Variants in GABRA3 observed in about 807,000 individuals in gnomAD.
GABRA3 encodes gamma-aminobutyric acid type A receptor subunit alpha3, also known as gamma-aminobutyric acid receptor subunit alpha-3.
GABRA3 carries 10 observed loss-of-function variants against 30.1 expected under a neutral mutation model. The ratio of observed to expected loss-of-function variants is 0.33; its 90% CI spans 0.20 to 0.56. The LOEUF (loss-of-function observed/expected upper bound fraction) is 0.56, where lower values mean the gene tolerates loss of function less well. GABRA3 is among the 20% of genes least tolerant of loss of function. GABRA3 has a pLI of 0.89. For synonymous variants in GABRA3, 151 were observed against 146.8 expected (o/e 1.03, Z -0.21); for missense variants, 233 against 392.0 (o/e 0.59, Z 3.42).
intron 6 of GABRA3, among the ~76,000 whole-genome samples, chrX:152,223,442 A>T (rs921565955): frequency 5.4e-5 from 6 of 111,020 alleles, no homozygotes; most frequent in African/African-American, 2.0e-4. Context: ...AAATATTCTA[A>T]TTGTTCTTCA....
intron 4 of GABRA3, among the ~76,000 whole-genome samples, chrX:152,276,678 T>G (rs1348425071): frequency 8.0e-5 from 9 of 111,984 alleles, no homozygotes; most frequent in African/African-American, 2.9e-4. Flanking sequence ...TAATAATCTT[T>G]GATAGTTAAA....
At chrX:152,403,567 C>T (rs1326242622) in intron 1 of GABRA3, among the ~76,000 whole-genome samples, 1 of 34,625 alleles carries the variant, frequency 2.9e-5, no homozygotes, top group African/African-American at 4.7e-5. Context: ...TGTATGTGCA[C>T]ACGTGTGTGT....
intron 5 of GABRA3, among the ~76,000 whole-genome samples, chrX:152,226,738 T>C (rs1937964079): frequency 9.0e-6 from 1 of 111,602 alleles, no homozygotes; most frequent in Non-Finnish European, 1.9e-5. Flanking sequence ...GAACAGACAC[T>C]TCTCAAAAGA....
intron 1 of GABRA3, among the ~76,000 whole-genome samples, chrX:152,395,388 C>A (rs996490586): frequency 9.0e-6 from 1 of 111,504 alleles, no homozygotes; most frequent in East Asian, 2.8e-4. Context: ...ATTTTTTACA[C>A]ATTAATGATG....
intron 1 of GABRA3, among the ~76,000 whole-genome samples, chrX:152,368,529 CCATTAATG>C (rs962297447): frequency 2.7e-5 from 3 of 110,253 alleles, no homozygotes; most frequent in Non-Finnish European, 5.7e-5. Context: ...TTTTCTTTAT[CCATTAATG>C]CATTAATGGA....
intron 3 of GABRA3, among the ~76,000 whole-genome samples, chrX:152,297,137 A>G (rs1311033106): frequency 1.8e-5 from 2 of 112,112 alleles, no homozygotes; most frequent in Non-Finnish European, 1.9e-5. Context: ...TGTTAACTCC[A>G]CTATTGTTTT....
chrX:152,363,092 G>A (rs1928555456), intron 2 of GABRA3, among the ~76,000 whole-genome samples: 1 of 111,379 alleles, frequency 9.0e-6, no homozygotes, highest in Non-Finnish European at 1.9e-5. Context: ...ACATATATAA[G>A]GTAACTACAT....
chrX:152,311,441 A>T (rs957914734), intron 3 of GABRA3, among the ~76,000 whole-genome samples: 1 of 112,420 alleles, frequency 8.9e-6, no homozygotes, highest in African/African-American at 3.2e-5. Flanking sequence ...ACATAGAAAT[A>T]AAAACAAAAA....
intron 3 of GABRA3, among the ~76,000 whole-genome samples, chrX:152,328,933 T>C (rs754368457): frequency 1.8e-4 from 20 of 111,967 alleles, no homozygotes; most frequent in Admixed American, 5.7e-4. Context: ...GATGACATGA[T>C]TGTATATTTA....
At position 152,170,083 on chromosome X, in the gene GABRA3, C is replaced by A. The variant is rs142007286; in HGVS notation, c.1144-1520G>T. Among the ~76,000 whole-genome samples, 987 of 112,266 alleles carry A rather than the reference C, an allele frequency of 8.8e-3. 17 individuals carry two copies. Among genetic ancestry groups the A allele is most frequent in the South Asian group, 0.042 (112 of 2,686 alleles). ...GAAAGGGTAAAACATGAGTCCCTGTCTTCCAGGAGCTCACACTCGGGTGTG... is the reference window on the plus strand; with the variant it reads ...GAAAGGGTAAAACATGAGTCCCTGTATTCCAGGAGCTCACACTCGGGTGTG... On this transcript the variant is annotated intron_variant, in intron 9 of 9. Coordinates refer to ENST00000370314, the MANE Select transcript of GABRA3 (RefSeq NM_000808.4).
In GABRA3 at chrX:152,167,166, C is replaced by T. The variant is rs1936946719; in HGVS notation, c.*1062G>A. ...TCCCGATATGGTGGGAGAAAAGTGC[C>T]TGGGCCAGGGTGTGGAATGTGGAGT... On this transcript the variant is annotated 3_prime_UTR_variant, in exon 10 of 10. Transcript: ENST00000370314. 9.1e-6 allele frequency: 1 copy of T among 110,379 alleles called. No homozygotes were observed. Among genetic ancestry groups the T allele is most frequent in the South Asian group, 3.9e-4 (1 of 2,560 alleles). 9.1% of individuals were successfully genotyped at this position (110,379 alleles called of 1,213,427 possible).
chrX:152,294,098 T>C (rs1023847720), intron 3 of GABRA3, among the ~76,000 whole-genome samples: 11 of 111,271 alleles, frequency 9.9e-5, no homozygotes, highest in Admixed American at 2.9e-4. Flanking sequence ...CTGACCATTA[T>C]GTGTCTTGGG....
intron 1 of GABRA3, among the ~76,000 whole-genome samples, chrX:152,412,845 G>T (rs1176237181): frequency 1.8e-5 from 2 of 111,154 alleles, no homozygotes; most frequent in Non-Finnish European, 3.8e-5. Context: ...CTTTAAAATG[G>T]TTTAAAAAAG....
chrX:152,346,437 T>A (rs942521520), intron 2 of GABRA3, among the ~76,000 whole-genome samples: 4 of 111,332 alleles, frequency 3.6e-5, no homozygotes, highest in Non-Finnish European at 7.5e-5. Flanking sequence ...TGGGCAAAAA[T>A]TTCTTGAGCA....
At chrX:152,433,786 T>A (rs1399549213) in intron 1 of GABRA3, among the ~76,000 whole-genome samples, 1 of 99,449 alleles carries the variant, frequency 1.0e-5, no homozygotes, top group Non-Finnish European at 2.0e-5. Flanking sequence ...TTTACACAGA[T>A]AATGAGAAAA....
intron 1 of GABRA3, among the ~76,000 whole-genome samples, chrX:152,415,252 G>C (rs1315679029): frequency 3.6e-5 from 4 of 111,295 alleles, no homozygotes; most frequent in South Asian, 3.7e-4. Context: ...AACTCAGAGG[G>C]AGAGGAAGAA....
chrX:152,413,896 T>TA lies in GABRA3; in HGVS notation c.-27+37249dup, dbSNP rs1419560308. On this transcript the variant is annotated intron_variant, in intron 1 of 9. Transcript: ENST00000370314. ...TCATTATGTAGAAAATCCCGAGGAA[T>TA]AAAAAAAAAATCTCCTACCAATAAT... 4.7e-3 allele frequency among the ~76,000 whole-genome samples: 486 copies of TA among 104,290 alleles called. 1 individual carries two copies. The highest frequency in any genetic ancestry group is 0.014 in the African/African-American group (408 of 28,859). The allele number at this position is 104,290 out of a possible 115,157, so 90.6% of individuals were successfully genotyped here.
chrX:152,195,393 A>T (rs1907601), intron 8 of GABRA3, among the ~76,000 whole-genome samples: 24,000 of 111,285 alleles, frequency 0.22, 1,896 homozygotes, highest in Admixed American at 0.27. Context: ...GTGTCCTTGT[A>T]TTAATTTCCT....
chrX:152,326,738 C>A (rs2124470337), intron 3 of GABRA3, among the ~76,000 whole-genome samples: 1 of 111,517 alleles, frequency 9.0e-6, no homozygotes, highest in African/African-American at 3.3e-5. Flanking sequence ...TGGTACCAAC[C>A]ACTGCAAAAA....
Sources: gnomAD v4.1 joint callset for allele counts (sites outside exome capture counted in the v4.1 genomes callset) on GRCh38, gnomAD v4.1.1 for gene constraint, MANE v1.5 for transcripts, NCBI Gene and HGNC (gene_info 2026-07-23, HGNC 2026-07-21) for gene names.